Variants in IGFL4 observed in about 807,000 individuals in gnomAD.
IGFL4 encodes the protein insulin growth factor-like family member 4.
IGFL4 carries 12 observed loss-of-function variants against 15.4 expected under a neutral mutation model. That is an observed-to-expected ratio of 0.78 (90% CI 0.50 to 1.26). The LOEUF (loss-of-function observed/expected upper bound fraction) is 1.26, where lower values mean the gene tolerates loss of function less well. Ranked by LOEUF, IGFL4 falls within the 50% of genes most tolerant of loss-of-function variation. The pLI is 0.00. For missense variants in IGFL4, 126 were observed against 147.8 expected, an observed-to-expected ratio of 0.85 and a Z score of 0.76; for synonymous variants, 54 against 55.9, an observed-to-expected ratio of 0.97 and a Z score of 0.16.
chr19:46,064,511 T>G (rs1969476317), intron 1 of IGFL4, among the ~76,000 whole-genome samples: 2 of 152,156 alleles, frequency 1.3e-5, no homozygotes, highest in Non-Finnish European at 2.9e-5. Flanking sequence ...ATCCTTCTAA[T>G]CTCTATCTCC....
At chr19:46,047,000 G>A (rs1969302890) in intron 2 of IGFL4, among the ~76,000 whole-genome samples, 1 of 152,128 alleles carries the variant, frequency 6.6e-6, no homozygotes, top group African/African-American at 2.4e-5. Flanking sequence ...CACAAAATCA[G>A]AAGTAAAACA....
chr19:46,044,527 C>T (rs1969279475), upstream of IGFL4, among the ~76,000 whole-genome samples: 2 of 152,122 alleles, frequency 1.3e-5, no homozygotes, highest in South Asian at 4.1e-4. Context: ...TGGGGGCAGT[C>T]ACCATCTCTG....
At chr19:46,063,283 A>G (rs774303189) in intron 1 of IGFL4, among the ~76,000 whole-genome samples, 28 of 151,870 alleles carry the variant, frequency 1.8e-4, no homozygotes, top group Admixed American at 1.7e-3. Flanking sequence ...CAGAGCTATC[A>G]CCAAAGCCTC....
upstream of IGFL4, among the ~76,000 whole-genome samples, chr19:46,045,812 GA>G (rs1969292901): frequency 6.6e-6 from 1 of 152,132 alleles, no homozygotes. Context: ...AAGAGACAGG[GA>G]AATTGGAACC....
intron 1 of IGFL4, among the ~76,000 whole-genome samples, chr19:46,068,094 A>T (rs1293077088): frequency 1.3e-5 from 2 of 152,216 alleles, no homozygotes; most frequent in Non-Finnish European, 2.9e-5. Flanking sequence ...CAGAAAAGGA[A>T]TTTCAATAAC....
chr19:46,048,722 A>G (rs571818738), intron 2 of IGFL4, among the ~76,000 whole-genome samples: 14 of 152,288 alleles, frequency 9.2e-5, no homozygotes, highest in African/African-American at 3.4e-4. Context: ...AAAGTGAAGG[A>G]CCTCTTCAAG....
chr19:46,065,733 A>C (rs1185680425), intron 1 of IGFL4, among the ~76,000 whole-genome samples: 1 of 152,382 alleles, frequency 6.6e-6, no homozygotes, highest in East Asian at 1.9e-4. Context: ...TTGTCCACAG[A>C]AATGTGGAGC....
upstream of IGFL4, among the ~76,000 whole-genome samples, chr19:46,044,684 T>C (rs1406132712): frequency 7.2e-5 from 11 of 152,160 alleles, no homozygotes; most frequent in Admixed American, 7.2e-4. Context: ...ACCCCATTCC[T>C]CCTGACTGGG....
chr19:46,077,372 G>C (rs1969617433), upstream of IGFL4, among the ~76,000 whole-genome samples: 1 of 152,136 alleles, frequency 6.6e-6, no homozygotes, highest in Non-Finnish European at 1.5e-5. The surrounding 1 kb of genome is among the most constrained non-coding windows in gnomAD (Gnocchi z 5.4). Context: ...AACCAGGTGC[G>C]CTGCCATGGG....
At position 46,040,882 on chromosome 19, in the gene IGFL4, G is replaced by T; in HGVS notation, c.19+62C>A. The T allele has an allele frequency of 1.4e-6, 2 of 1,459,512 alleles. No individual in the cohort carries two copies. Among genetic ancestry groups the T allele is most frequent in the Non-Finnish European group, 1.9e-6 (2 of 1,059,686 alleles). The allele number at this position is 1,459,512 out of a possible 1,614,324, so 90.4% of individuals were successfully genotyped here. On this transcript the variant is annotated intron_variant, in intron 1 of 3. Coordinates refer to ENST00000377697, the MANE Select transcript of IGFL4 (RefSeq NM_001002923.3). This position sits in a 1 kb window ranked among gnomAD's most constrained non-coding sequence, Gnocchi z 4.1. ...AAGAGAGAATTAACTTTGAAGTTCA[G>T]AAATAATTAGGGATGTGATATCATT...
chr19:46,072,760 A>G (rs1360182990), intron 1 of IGFL4, among the ~76,000 whole-genome samples: 1 of 152,158 alleles, frequency 6.6e-6, no homozygotes, highest in Admixed American at 6.5e-5. Flanking sequence ...CAGGGTGTGA[A>G]ATATAGTGGC....
chr19:46,046,612 G>C (rs145852951), intron 2 of IGFL4, among the ~76,000 whole-genome samples: 4 of 152,290 alleles, frequency 2.6e-5, no homozygotes, highest in African/African-American at 9.6e-5. Context: ...TGCAACCCTA[G>C]TTTCTGACCA....
chr19:46,069,321 C>CT (rs914744426), intron 1 of IGFL4, among the ~76,000 whole-genome samples: 16 of 152,192 alleles, frequency 1.1e-4, no homozygotes, highest in African/African-American at 3.9e-4. Context: ...ATCTGACTGA[C>CT]TTTTCTCACT....
intron 2 of IGFL4, among the ~76,000 whole-genome samples, chr19:46,052,966 G>GAAA (rs71175255): frequency 2.7e-5 from 3 of 112,458 alleles, no homozygotes; most frequent in African/African-American, 3.4e-5. Context: ...AGTCAGAAAA[G>GAAA]AAAAAAAAAA....
chr19:46,041,902 T>C (rs1322334136), upstream of IGFL4, among the ~76,000 whole-genome samples: 2 of 149,294 alleles, frequency 1.3e-5, no homozygotes, highest in Non-Finnish European at 3.0e-5. Context: ...GCAGTGGTGC[T>C]ATCTTTGCTC....
At chr19:46,050,354 C>A (rs925917594) in intron 2 of IGFL4, among the ~76,000 whole-genome samples, 1 of 151,958 alleles carries the variant, frequency 6.6e-6, no homozygotes, top group African/African-American at 2.4e-5. Flanking sequence ...TTCAGAAGAT[C>A]GATTATGAAG....
chr19:46,049,111 G>A (rs1213381903), intron 2 of IGFL4, among the ~76,000 whole-genome samples: 1 of 152,144 alleles, frequency 6.6e-6, no homozygotes, highest in Admixed American at 6.5e-5. Flanking sequence ...TGATGGCCAT[G>A]GCTGGGAATC....
chr19:46,050,827 GA>G (rs1278956796), intron 2 of IGFL4, among the ~76,000 whole-genome samples: 53 of 152,132 alleles, frequency 3.5e-4, no homozygotes, highest in African/African-American at 1.2e-3. Flanking sequence ...GGACACCTGG[GA>G]AACTCATCAC....
intron 2 of IGFL4, among the ~76,000 whole-genome samples, chr19:46,048,942 AAAG>A (rs547186681): frequency 2.6e-4 from 40 of 152,350 alleles, no homozygotes; most frequent in African/African-American, 7.2e-4. Context: ...TGGAACCAAA[AAAG>A]AGCCCAAATA....
Sources: gnomAD v4.1 joint callset for allele counts (sites outside exome capture counted in the v4.1 genomes callset) on GRCh38, gnomAD v4.1.1 for gene constraint, Gnocchi (gnomAD v3.1) non-coding constraint, MANE v1.5 for transcripts, NCBI Gene and HGNC (gene_info 2026-07-23, HGNC 2026-07-21) for gene names.